MTNR1B: variants seen among roughly 807,000 people sequenced by gnomAD.
The protein encoded by MTNR1B is melatonin receptor type 1B.
MTNR1B carries 7 observed loss-of-function variants against 7.0 expected under a neutral mutation model. That is an observed-to-expected ratio of 1.00 (90% CI 0.57 to 1.88). MTNR1B has a LOEUF of 1.88. Among genes scored for constraint, MTNR1B ranks in the 40% most tolerant of loss-of-function variants. The probability of loss-of-function intolerance (pLI) is 0.00; values close to 1 mark genes in which losing one functional copy is unlikely to be tolerated. For missense variants in MTNR1B, 478 were observed against 486.5 expected (o/e 0.98, Z 0.16); for synonymous variants, 226 against 208.2 (o/e 1.09, Z -0.74).
chr11:92,984,081 C>T (rs1858161680), downstream of MTNR1B, among the ~76,000 whole-genome samples: 4 of 152,172 alleles, frequency 2.6e-5, no homozygotes, highest in Admixed American at 2.6e-4. Flanking sequence ...GGGCTAAGTA[C>T]TGCATGTCCA....
In MTNR1B at chr11:92,981,871, G is replaced by A. The variant is rs1007852368; in HGVS notation, c.648G>A (p.Val216=). 6.2e-7 allele frequency: 1 copy of A among 1,614,170 alleles called. No individual in the cohort carries two copies. Among genetic ancestry groups the A allele is most frequent in the African/African-American group, 1.3e-5 (1 of 75,042 alleles). ...VIHFLLPIAV[V]SFCYLRIWVL... is the part of the protein sequence containing the mutation. Reference sequence around the variant, plus strand: ...ACTTCCTCCTCCCTATCGCTGTCGTGTCCTTCTGCTACCTGCGCATCTGGG... The same window carrying A: ...ACTTCCTCCTCCCTATCGCTGTCGTATCCTTCTGCTACCTGCGCATCTGGG... Residue 216 remains valine (V), a synonymous_variant, in exon 2 of 2, where the codon GTG becomes GTA. Transcript: ENST00000257068.
chr11:92,981,867 TC>T lies in MTNR1B; in HGVS notation c.645del (p.Val216CysfsTer27). The T allele has an allele frequency of 6.2e-7, 1 of 1,614,174 alleles. No individual in the cohort carries two copies. Among genetic ancestry groups the T allele is most frequent in the Non-Finnish European group, 8.5e-7 (1 of 1,180,036 alleles). ...VVIHFLLPIAVVSFCYLRIWV... is the reference protein window; with the variant it reads ...VVIHFLLPIAXVSFCYLRIWV... ...ATCCACTTCCTCCTCCCTATCGCTG[TC>T]GTGTCCTTCTGCTACCTGCGCATCT... On this transcript the variant is annotated frameshift_variant, in exon 2 of 2. Transcript: ENST00000257068. LOFTEE classifies it low-confidence loss of function (END_TRUNC).
At chr11:92,982,912 G>T (rs1858139832), downstream of MTNR1B, 1 of 129,224 alleles carries the variant, frequency 7.7e-6, no homozygotes, top group Non-Finnish European at 1.6e-5. Flanking sequence ...CACACACATA[G>T]CCACCACATC....
chr11:92,984,251 G>A (rs932048922), downstream of MTNR1B, among the ~76,000 whole-genome samples: 1 of 152,168 alleles, frequency 6.6e-6, no homozygotes, highest in African/African-American at 2.4e-5. Flanking sequence ...CTAGCCACCT[G>A]GGAGCTTGCT....
At chr11:92,976,532 G>A (rs200029190) in intron 1 of MTNR1B, among the ~76,000 whole-genome samples, 1 of 145,172 alleles carries the variant, frequency 6.9e-6, no homozygotes, top group African/African-American at 2.5e-5. Flanking sequence ...GGCAAAAAAA[G>A]CCCTCCACTG....
chr11:92,983,533 AAAG>A (rs1371767028), downstream of MTNR1B, among the ~76,000 whole-genome samples: 33 of 152,044 alleles, frequency 2.2e-4, no homozygotes, highest in Middle Eastern at 6.8e-3. Context: ...AAAAAAAAAA[AAAG>A]AAGAAGAAGT....
In MTNR1B at chr11:92,981,830, G is replaced by A. The variant is rs772328752; in HGVS notation, c.607G>A (p.Ala203Thr). The A allele has an allele frequency of 4.2e-5, 68 of 1,614,178 alleles. No homozygotes were observed. In the East Asian group the frequency reaches 1.4e-3, roughly 34 times the overall value. The change falls in exon 2 of 2, where the codon GCA becomes ACA. Residue 203 changes from alanine (A) to threonine (T), a missense_variant. Ala to Thr is a moderately conservative substitution (Grantham distance 58). Transcript: ENST00000257068. ...GACCGCCAGCACCCAGTACACGGCG[G>A]CAGTGGTGGTCATCCACTTCCTCCT... is the stretch of plus-strand genomic sequence containing the variant. Reference protein sequence around the residue: ...IQTASTQYTAAVVVIHFLLPI... With the variant: ...IQTASTQYTATVVVIHFLLPI...
rs200424852 is a variant in MTNR1B at position 92,981,772 on chromosome 11, C to T, written c.549C>T (p.Tyr183=). The T allele has an allele frequency of 5.9e-5, 95 of 1,614,066 alleles. No homozygotes were observed. Among genetic ancestry groups the T allele is most frequent in the African/African-American group, 1.2e-4 (9 of 74,928 alleles). The change falls in exon 2 of 2, where the codon TAC becomes TAT. Residue 183 remains tyrosine (Y), a synonymous_variant. Coordinates refer to ENST00000257068, the MANE Select transcript of MTNR1B (RefSeq NM_005959.5). The part of the protein sequence containing the change: ...LPNFFVGSLE[Y]DPRIYSCTFI... Reference sequence around the variant, plus strand: ...ACTTCTTTGTGGGGTCCCTGGAGTACGACCCACGCATCTATTCCTGCACCT... The same window carrying T: ...ACTTCTTTGTGGGGTCCCTGGAGTATGACCCACGCATCTATTCCTGCACCT...
chr11:92,979,461 G>C (rs1269322057), intron 1 of MTNR1B, among the ~76,000 whole-genome samples: 1 of 152,206 alleles, frequency 6.6e-6, no homozygotes, highest in Non-Finnish European at 1.5e-5. Flanking sequence ...AACCAGAAAG[G>C]AAATGAGGTC....
downstream of MTNR1B, chr11:92,984,779 T>C (rs1358844609): frequency 4.7e-6 from 2 of 429,398 alleles, no homozygotes; most frequent in Non-Finnish European, 9.3e-6. Context: ...GACAATCCAC[T>C]AATTGGAATT....
At chr11:92,981,343 G>A in intron 1 of MTNR1B, 104 bp from the exon 2 acceptor site, 2 of 1,480,524 alleles carry the variant, frequency 1.4e-6, no homozygotes, top group Non-Finnish European at 1.8e-6. Flanking sequence ...GAGCCACTTG[G>A]TTTCCACTCA....
chr11:92,982,653 T>A lies in MTNR1B; in HGVS notation c.*341T>A. On this transcript the variant is annotated 3_prime_UTR_variant, in exon 2 of 2. Transcript: ENST00000257068. ...TGACCCTCATCCTCCTGCCTTGGCC[T>A]CCTGGCTGCTTTCTCCCCTTCCCCC... is the stretch of plus-strand genomic sequence containing the variant. 1 of 291,990 alleles carries A rather than the reference T, an allele frequency of 3.4e-6. No homozygotes were observed. 18.1% of individuals were successfully genotyped at this position (291,990 alleles called of 1,614,324 possible). A position where few individuals can be genotyped will look rare whatever the true frequency, so the allele number is the denominator to read the frequency against.
At chr11:92,971,925 A>G (rs1459271204) in intron 1 of MTNR1B, among the ~76,000 whole-genome samples, 1 of 152,146 alleles carries the variant, frequency 6.6e-6, no homozygotes, top group Non-Finnish European at 1.5e-5. Flanking sequence ...CCAGCACCCG[A>G]ACAAAAAAAA....
intron 1 of MTNR1B, among the ~76,000 whole-genome samples, chr11:92,978,190 TCTC>T (rs1302229425): frequency 6.6e-6 from 1 of 152,144 alleles, no homozygotes; most frequent in East Asian, 1.9e-4. Flanking sequence ...CTTCCAGAAT[TCTC>T]CTATCTGACG....
downstream of MTNR1B, among the ~76,000 whole-genome samples, chr11:92,983,572 A>G (rs1281236837): frequency 6.6e-6 from 1 of 152,090 alleles, no homozygotes; most frequent in Admixed American, 6.5e-5. Context: ...GAAGGGGAGA[A>G]AATGGGGTAG....
intron 1 of MTNR1B, among the ~76,000 whole-genome samples, chr11:92,974,124 TG>T: frequency 6.6e-6 from 1 of 152,352 alleles, no homozygotes; most frequent in Admixed American, 6.5e-5. Context: ...TGATTCCTCT[TG>T]GGGAGTTTGC....
Position 92,969,653 on chromosome 11 carries a change from G to A in MTNR1B, c.-73G>A. 4 of 1,342,496 alleles carry A rather than the reference G, an allele frequency of 3.0e-6. No individual in the cohort carries two copies. Among genetic ancestry groups the A allele is most frequent in the African/African-American group, 1.5e-5 (1 of 65,544 alleles). The allele number at this position is 1,342,496 out of a possible 1,614,324, so 83.2% of individuals were successfully genotyped here. ...AGCTGGGCAGGGAAGAGAGCGCCCG[G>A]CTCAGTACTGCGCGCGCCCTGCGGC... is the stretch of plus-strand genomic sequence containing the variant. On this transcript the variant is annotated 5_prime_UTR_variant, in exon 1 of 2. Coordinates refer to ENST00000257068, the MANE Select transcript of MTNR1B (RefSeq NM_005959.5).
At position 92,981,550 on chromosome 11, in the gene MTNR1B, G is replaced by A. The variant is rs1430219216; in HGVS notation, c.327G>A (p.Gly109=). 2.5e-6 allele frequency: 4 copies of A among 1,614,160 alleles called. No individual in the cohort carries two copies. In the Admixed American group the frequency reaches 6.7e-5, roughly 27 times the overall value. Residue 109 remains glycine (G), a synonymous_variant, in exon 2 of 2, where the codon GGG becomes GGA. Transcript: ENST00000257068. ...TCTTCTATGACGGCTGGGCCCTGGG[G>A]GAGGAGCACTGCAAGGCCAGCGCCT... ...VAIFYDGWAL[G]EEHCKASAFV...
At position 92,982,039 on chromosome 11, in the gene MTNR1B, C is replaced by T. The variant is rs370175309; in HGVS notation, c.816C>T (p.Leu272=). 127 of 1,614,110 alleles carry T rather than the reference C, an allele frequency of 7.9e-5. No individual in the cohort carries two copies. The highest frequency in any genetic ancestry group is 1.0e-4 in the Admixed American group (6 of 60,004). The change falls in exon 2 of 2, where the codon CTC becomes CTT. Residue 272 remains leucine (L), a synonymous_variant. Coordinates refer to ENST00000257068, the MANE Select transcript of MTNR1B (RefSeq NM_005959.5). ...GGGCTCCACTTAACTGCATCGGCCTCGCTGTGGCCATCAACCCCCAAGAAA... is the reference window on the plus strand; with the variant it reads ...GGGCTCCACTTAACTGCATCGGCCTTGCTGTGGCCATCAACCCCCAAGAAA... ...ICWAPLNCIG[L]AVAINPQEMA... is the part of the protein sequence containing the mutation.
Sources: allele counts gnomAD v4.1 joint callset (sites outside exome capture counted in the v4.1 genomes callset), GRCh38; gene constraint gnomAD v4.1.1; transcripts MANE v1.5; gene names NCBI Gene and HGNC (gene_info 2026-07-23, HGNC 2026-07-21).